KRT80: variants seen among roughly 807,000 people sequenced by gnomAD.
The protein encoded by KRT80 is keratin, type II cytoskeletal 80.
In KRT80, 36 loss-of-function variants were observed where a neutral mutation model predicts 51.5. That is an observed-to-expected ratio of 0.70 (90% CI 0.54 to 0.92). The LOEUF (loss-of-function observed/expected upper bound fraction) is 0.92, where lower values mean the gene tolerates loss of function less well. Ranked by LOEUF, KRT80 falls within the 40% of genes least tolerant of loss-of-function variation. The pLI is 0.00. For missense variants in KRT80, 566 were observed against 591.7 expected (o/e 0.96, Z 0.45); for synonymous variants, 235 against 248.3 (o/e 0.95, Z 0.50).
chr12:52,186,382 G>T (rs1941403942), intron 1 of KRT80, among the ~76,000 whole-genome samples: 1 of 152,262 alleles, frequency 6.6e-6, no homozygotes, highest in South Asian at 2.1e-4. Context: ...AGACTGTGGG[G>T]ACACCTGGGG....
chr12:52,179,673 G>C (rs1384389805), intron 4 of KRT80, among the ~76,000 whole-genome samples: 2 of 152,244 alleles, frequency 1.3e-5, no homozygotes, highest in Non-Finnish European at 2.9e-5. Flanking sequence ...AGTTGTGGTG[G>C]TGACTTTGAT....
At position 52,172,435 on chromosome 12, in the gene KRT80, A is replaced by G. The variant is rs370746229; in HGVS notation, c.958-17T>C. ...TTTCAGGCACTGCAGCCAGGAGGACAGAGTGAAAGGGCCTGTGAGCAGGGG... is the reference window on the plus strand; with the variant it reads ...TTTCAGGCACTGCAGCCAGGAGGACGGAGTGAAAGGGCCTGTGAGCAGGGG... On this transcript the variant is annotated splice_polypyrimidine_tract_variant and intron_variant, in intron 6 of 8. Coordinates refer to ENST00000394815, the MANE Select transcript of KRT80 (RefSeq NM_182507.3). The G allele has an allele frequency of 3.7e-6, 6 of 1,602,478 alleles. No homozygotes were observed. Among genetic ancestry groups the G allele is most frequent in the Non-Finnish European group, 5.1e-6 (6 of 1,172,034 alleles).
intron 1 of KRT80, among the ~76,000 whole-genome samples, chr12:52,188,918 C>T (rs890991032): frequency 1.3e-5 from 2 of 152,230 alleles, no homozygotes; most frequent in African/African-American, 2.4e-5. Flanking sequence ...CATCCCCCTT[C>T]ATCTCATGAC....
chr12:52,173,883 C>T (rs1463332976), intron 4 of KRT80, 119 bp from the exon 5 acceptor site: 1 of 1,030,656 alleles, frequency 9.7e-7, no homozygotes, highest in East Asian at 2.6e-5. Context: ...CTTCCTGTCC[C>T]TCTGGAGAGA....
Position 52,169,244 on chromosome 12 carries a change from TGAAG to T in KRT80, c.*2150_*2153del, listed in dbSNP as rs1941044853. 1.3e-5 allele frequency: 2 copies of T among 152,338 alleles called. No homozygotes were observed. The highest frequency in any genetic ancestry group is 2.1e-4 in the South Asian group (1 of 4,830). 9.4% of individuals were successfully genotyped at this position (152,338 alleles called of 1,614,324 possible). ...CAAGGAGATGGTGCTGAGCCATTCA[TGAAG>T]GATCCTCTCTCATGATCCAAATACT... On this transcript the variant is annotated 3_prime_UTR_variant, in exon 9 of 9. Coordinates refer to ENST00000394815, the MANE Select transcript of KRT80 (RefSeq NM_182507.3).
intron 4 of KRT80, among the ~76,000 whole-genome samples, chr12:52,179,465 G>C (rs1475064875): frequency 1.3e-5 from 2 of 152,222 alleles, no homozygotes; most frequent in Non-Finnish European, 2.9e-5. Context: ...GCTCCCAAGG[G>C]TTTGCTGTTC....
At chr12:52,173,404 C>T (rs984935680) in intron 5 of KRT80, among the ~76,000 whole-genome samples, 196 bp downstream of exon 5, 4 of 152,290 alleles carry the variant, frequency 2.6e-5, no homozygotes, top group Admixed American at 6.5e-5. Flanking sequence ...AACAGCACCA[C>T]CTTGAACTCC....
chr12:52,176,974 G>A (rs75925278), intron 4 of KRT80, among the ~76,000 whole-genome samples: 3,595 of 152,314 alleles, frequency 0.024, 128 homozygotes, highest in African/African-American at 0.077. Flanking sequence ...ACAGCCCAGT[G>A]AGGTAGATGC....
rs749961251 is a variant in KRT80, at chr12:52,180,971, GGA to G, written c.510-10_510-9del. ...GAGATCTCATCCTCATACCTGGGAG[GGA>G]GAGAGGGGTTGCTCAGCTGGATATG... On this transcript the variant is annotated splice_polypyrimidine_tract_variant and intron_variant, in intron 2 of 8. Coordinates refer to ENST00000394815, the MANE Select transcript of KRT80 (RefSeq NM_182507.3). 1.3e-6 allele frequency: 2 copies of G among 1,519,166 alleles called. No homozygotes were observed. The highest frequency in any genetic ancestry group is 1.3e-5 in the South Asian group (1 of 74,610). The allele number at this position is 1,519,166 out of a possible 1,614,324, so 94.1% of individuals were successfully genotyped here. A position where few individuals can be genotyped will look rare whatever the true frequency, so the allele number is the denominator to read the frequency against.
In KRT80 at chr12:52,173,560, T is replaced by G. The variant is rs1941158362; in HGVS notation, c.831+40A>C. On this transcript the variant is annotated intron_variant, in intron 5 of 8. Coordinates refer to ENST00000394815, the MANE Select transcript of KRT80 (RefSeq NM_182507.3). Reference sequence around the variant, plus strand: ...CAGCCCTTCCTGCCACCCAGAGAACTGTCCAGGCTGCTTCTCGTGCCCTGT... The same window carrying G: ...CAGCCCTTCCTGCCACCCAGAGAACGGTCCAGGCTGCTTCTCGTGCCCTGT... 4 of 1,530,504 alleles carry G rather than the reference T, an allele frequency of 2.6e-6. 1 individual carries two copies. The Admixed American group carries it at 7.0e-5, about 27-fold the overall frequency. The allele number at this position is 1,530,504 out of a possible 1,614,324, so 94.8% of individuals were successfully genotyped here.
rs867377849 is a variant in KRT80, at chr12:52,185,491, C to T, written c.397G>A (p.Glu133Lys). 3.7e-6 allele frequency: 6 copies of T among 1,614,012 alleles called. No homozygotes were observed. The highest frequency in any genetic ancestry group is 5.1e-6 in the Non-Finnish European group (6 of 1,180,026). ...SAIFDLGHLYEEYQGRLQEEL... is the reference protein window; with the variant it reads ...SAIFDLGHLYKEYQGRLQEEL... ...TCCTGCAGCCGGCCCTGATATTCCTCATAGAGATGCCCGAGGTCGAAGATG... is the reference window on the plus strand; with the variant it reads ...TCCTGCAGCCGGCCCTGATATTCCTTATAGAGATGCCCGAGGTCGAAGATG... The change falls in exon 2 of 9, where the codon GAG becomes AAG. Residue 133 changes from glutamate (E) to lysine (K), a missense_variant. Physicochemically the swap from Glu to Lys is moderately conservative, Grantham distance 56. Coordinates refer to ENST00000394815, the MANE Select transcript of KRT80 (RefSeq NM_182507.3).
intron 1 of KRT80, among the ~76,000 whole-genome samples, chr12:52,186,042 GC>G (rs923031641): frequency 6.6e-6 from 1 of 151,996 alleles, no homozygotes; most frequent in African/African-American, 2.4e-5. Flanking sequence ...GTCCTTAAGT[GC>G]TCATCCTCTC....
At chr12:52,172,943 G>T in intron 6 of KRT80, 95 bp downstream of exon 6, 1 of 1,425,904 alleles carries the variant, frequency 7.0e-7, no homozygotes, top group Non-Finnish European at 9.4e-7. Flanking sequence ...ACCCACACAG[G>T]GTCACTCAGT....
intron 4 of KRT80, among the ~76,000 whole-genome samples, chr12:52,179,402 G>A (rs959255812): frequency 6.6e-6 from 1 of 152,220 alleles, no homozygotes. Context: ...GGGCCAGGAA[G>A]CTTTTCAGGG....
chr12:52,189,099 C>T (rs1941445290), intron 1 of KRT80, among the ~76,000 whole-genome samples: 1 of 152,182 alleles, frequency 6.6e-6, no homozygotes, highest in Admixed American at 6.5e-5. Context: ...GTCTCTGCTC[C>T]TCCTGAGTGC....
chr12:52,191,906 GC>G lies in KRT80; in HGVS notation c.-5del, dbSNP rs1271782938. 2.7e-6 allele frequency: 4 copies of G among 1,460,932 alleles called. No homozygotes were observed. The highest frequency in any genetic ancestry group is 1.4e-5 in the South Asian group (1 of 70,766). 90.5% of individuals were successfully genotyped at this position (1,460,932 alleles called of 1,614,324 possible). ...CCACGCAGGAGCGGCAGGCCATGGTGCCCCCGGCCGGAAGCAGGAGGGCCCA... is the reference window on the plus strand; with the variant it reads ...CCACGCAGGAGCGGCAGGCCATGGTGCCCCGGCCGGAAGCAGGAGGGCCCA... On this transcript the variant is annotated 5_prime_UTR_variant, in exon 1 of 9. Coordinates refer to ENST00000394815, the MANE Select transcript of KRT80 (RefSeq NM_182507.3).
chr12:52,184,190 G>A (rs1019166135), intron 2 of KRT80, among the ~76,000 whole-genome samples: 26 of 152,212 alleles, frequency 1.7e-4, no homozygotes, highest in Non-Finnish European at 2.2e-4. Context: ...CCTCAGATTG[G>A]CAGGGTTTGG....
chr12:52,176,466 ACTT>A (rs1161619291), intron 4 of KRT80, among the ~76,000 whole-genome samples: 51 of 147,992 alleles, frequency 3.4e-4, no homozygotes, highest in African/African-American at 8.9e-4. Context: ...GAATGCCATC[ACTT>A]CTTCTTCTTC....
In KRT80 at chr12:52,171,492, G is replaced by T; in HGVS notation, c.1265C>A (p.Pro422His). 3.1e-6 allele frequency: 5 copies of T among 1,613,312 alleles called. No individual in the cohort carries two copies. Among genetic ancestry groups the T allele is most frequent in the Non-Finnish European group, 4.2e-6 (5 of 1,179,588 alleles). The change falls in exon 9 of 9, where the codon CCC (proline) becomes CAC (histidine). Residue 422 changes from proline (P) to histidine (H), a missense_variant. Coordinates refer to ENST00000394815, the MANE Select transcript of KRT80 (RefSeq NM_182507.3). The part of the protein sequence containing the change: ...AASRSGLSKA[P>H]SRKKKGSKGP... Reference sequence around the variant, plus strand: ...TTTGCTGCCCTTCTTCTTTCGGGAGGGGGCCTTGGAGAGGCCTGATCTGGA... The same window carrying T: ...TTTGCTGCCCTTCTTCTTTCGGGAGTGGGCCTTGGAGAGGCCTGATCTGGA...
Sources: allele counts gnomAD v4.1 joint callset (sites outside exome capture counted in the v4.1 genomes callset), GRCh38; gene constraint gnomAD v4.1.1; transcripts MANE v1.5; gene names NCBI Gene and HGNC (gene_info 2026-07-23, HGNC 2026-07-21).